The following RBM34 variants were observed in gnomAD, a reference collection of about 807,000 sequenced individuals.
RBM34 encodes the protein RNA-binding protein 34.
Under a neutral mutation model 44.6 loss-of-function variants are expected in RBM34, and 39 were observed. The ratio of observed to expected loss-of-function variants is 0.87; its 90% CI spans 0.68 to 1.14. The LOEUF (loss-of-function observed/expected upper bound fraction) is 1.14, where lower values mean the gene tolerates loss of function less well. Among genes scored for constraint, RBM34 ranks in the 50% most tolerant of loss-of-function variants. The pLI is 0.00. For missense variants in RBM34, 572 were observed against 517.9 expected (o/e 1.10, Z -1.01); for synonymous variants, 194 against 184.0 (o/e 1.05, Z -0.44).
At chr1:235,152,435 A>T (rs1011218738) in intron 5 of RBM34, 46 of 1,086,050 alleles carry the variant, frequency 4.2e-5, no homozygotes, top group Non-Finnish European at 3.8e-5. Context: ...TATTCTGCTG[A>T]CACAGTAAAT....
intron 8 of RBM34, 127 bp from the exon 9 acceptor site, chr1:235,136,200 T>A (rs796232118): frequency 1.3e-6 from 1 of 745,114 alleles, no homozygotes; most frequent in Non-Finnish European, 2.3e-6. Context: ...TAACCACACA[T>A]CATGTTCTTT....
chr1:235,135,890 A>C, intron 9 of RBM34, 120 bp from the exon 10 acceptor site: 2 of 1,210,068 alleles, frequency 1.7e-6, no homozygotes, highest in South Asian at 2.7e-5. Flanking sequence ...TATATTGCAC[A>C]CTTTTTAGTA....
intron 2 of RBM34, 46 bp downstream of exon 2, chr1:235,160,847 T>A: frequency 5.0e-6 from 8 of 1,602,294 alleles, no homozygotes; most frequent in Non-Finnish European, 6.8e-6. Flanking sequence ...GCTTTGTATG[T>A]AAGTGGTTCT....
chr1:235,148,227 G>A (rs1329440770), intron 6 of RBM34, among the ~76,000 whole-genome samples, 177 bp downstream of exon 6: 1 of 152,092 alleles, frequency 6.6e-6, no homozygotes, highest in African/African-American at 2.4e-5. Context: ...TTATATTATG[G>A]CTTAAAGAAA....
In RBM34 at chr1:235,152,731, A is replaced by G; in HGVS notation, c.632T>C (p.Ile211Thr). The stretch of plus-strand genomic sequence containing the variant: ...CAGAGAACGAAATCGTACAGATTCT[A>G]TTTGTCCATACTCTTTAAAAAACGA... ...LKSFFKEYGQIESVRFRSLIP... is the reference protein window; with the variant it reads ...LKSFFKEYGQTESVRFRSLIP... The change falls in exon 5 of 11, where the codon ATA becomes ACA. Residue 211 changes from isoleucine to threonine, a missense_variant. Transcript: ENST00000408888. 1 of 1,601,164 alleles carries G rather than the reference A, an allele frequency of 6.2e-7. No homozygotes were observed. The highest frequency in any genetic ancestry group is 8.5e-7 in the Non-Finnish European group (1 of 1,173,532).
chr1:235,161,132 T>C (rs1176134162), intron 1 of RBM34, 42 bp downstream of exon 1: 2 of 1,603,626 alleles, frequency 1.2e-6, no homozygotes, highest in East Asian at 2.2e-5. Flanking sequence ...CGAGGGAACG[T>C]ACAACATCCC....
intron 6 of RBM34, among the ~76,000 whole-genome samples, chr1:235,147,505 G>C (rs1661953452): frequency 1.3e-5 from 2 of 152,156 alleles, no homozygotes; most frequent in Non-Finnish European, 2.9e-5. Flanking sequence ...CTGGTATCTA[G>C]GAGGATCTGC....
At chr1:235,152,939 G>C (rs1662226837) in intron 4 of RBM34, among the ~76,000 whole-genome samples, 174 bp from the exon 5 acceptor site, 3 of 148,124 alleles carry the variant, frequency 2.0e-5, no homozygotes, top group African/African-American at 7.5e-5. Context: ...TGTGATCTCA[G>C]CTCACTGCAA....
At position 235,161,086 on chromosome 1, in the gene RBM34, A is replaced by G. The variant is rs771983795; in HGVS notation, c.54-19T>C. 1 of 1,609,754 alleles carries G rather than the reference A, an allele frequency of 6.2e-7. No individual in the cohort carries two copies. Among genetic ancestry groups the G allele is most frequent in the Admixed American group, 1.7e-5 (1 of 59,896 alleles). On this transcript the variant is annotated intron_variant, in intron 1 of 10. Transcript: ENST00000408888. ...ATTCTCTCTAGAAATGGACGACAGA[A>G]ACTCAGCCACGCCACGCACCACCGC...
At chr1:235,154,042 C>T (rs1182101876) in intron 4 of RBM34, among the ~76,000 whole-genome samples, 1 of 151,984 alleles carries the variant, frequency 6.6e-6, no homozygotes, top group African/African-American at 2.4e-5. Context: ...GTCAGGAAAT[C>T]GAGACCATCC....
At chr1:235,138,987 C>T (rs1661559969) in intron 6 of RBM34, among the ~76,000 whole-genome samples, 2 of 152,132 alleles carry the variant, frequency 1.3e-5, no homozygotes, top group Non-Finnish European at 2.9e-5. Flanking sequence ...CAGACATGAC[C>T]CCTTTGTCGC....
chr1:235,160,508 A>G lies in RBM34; in HGVS notation c.365+3T>C. 6.2e-7 allele frequency: 1 copy of G among 1,609,416 alleles called. No individual in the cohort carries two copies. The highest frequency in any genetic ancestry group is 8.5e-7 in the Non-Finnish European group (1 of 1,178,864). The stretch of plus-strand genomic sequence containing the variant: ...TAACATCAAATAAGAGAATTTTACC[A>G]ACCTGTCTGCCAACTTTTTTTCTGC... On this transcript the variant is annotated splice_donor_region_variant and intron_variant, in intron 3 of 10. Transcript: ENST00000408888.
At position 235,161,159 on chromosome 1, in the gene RBM34, C is replaced by G. The variant is rs2102871608; in HGVS notation, c.53+15G>C. The stretch of plus-strand genomic sequence containing the variant: ...CAACATCCCTCCCCAGGTACTCGTG[C>G]CGCGCGCCACTCACCCCTCCTGGAC... On this transcript the variant is annotated intron_variant, in intron 1 of 10. Coordinates refer to ENST00000408888, the MANE Select transcript of RBM34 (RefSeq NM_015014.4). 6.3e-7 allele frequency: 1 copy of G among 1,598,806 alleles called. No individual in the cohort carries two copies. Among genetic ancestry groups the G allele is most frequent in the South Asian group, 1.1e-5 (1 of 89,786 alleles).
intron 5 of RBM34, among the ~76,000 whole-genome samples, chr1:235,149,388 CAAAAA>C (rs1171671362): frequency 1.7e-5 from 1 of 58,000 alleles, no homozygotes; most frequent in Admixed American, 1.9e-4. Flanking sequence ...GACTCCGTCT[CAAAAA>C]AAAAAAAAAA....
intron 6 of RBM34, among the ~76,000 whole-genome samples, chr1:235,138,752 G>A (rs1481392142): frequency 2.0e-5 from 3 of 152,076 alleles, no homozygotes; most frequent in Non-Finnish European, 2.9e-5. Flanking sequence ...TCTATTCTTA[G>A]ACATCATACT....
In RBM34 at chr1:235,138,017, A is replaced by G. The variant is rs528690587; in HGVS notation, c.785+74T>C. Reference sequence around the variant, plus strand: ...ACTAAAACATCTATGCTAAAGTGAAACCAAAGAATAAAAAAAGTACTCATA... The same window carrying G: ...ACTAAAACATCTATGCTAAAGTGAAGCCAAAGAATAAAAAAAGTACTCATA... On this transcript the variant is annotated intron_variant, in intron 7 of 10. Transcript: ENST00000408888. 110 of 1,538,178 alleles carry G rather than the reference A, an allele frequency of 7.2e-5. No individual in the cohort carries two copies. The South Asian group carries it at 1.1e-3, about 16-fold the overall frequency.
chr1:235,142,549 AT>A (rs766550706), intron 6 of RBM34, among the ~76,000 whole-genome samples: 5 of 151,822 alleles, frequency 3.3e-5, no homozygotes, highest in Admixed American at 6.6e-5. Context: ...AAAGTAATGG[AT>A]TATAGGCGTG....
At chr1:235,132,372 G>A (rs995257109) in intron 10 of RBM34, among the ~76,000 whole-genome samples, 2 of 152,018 alleles carry the variant, frequency 1.3e-5, no homozygotes, top group South Asian at 2.1e-4. Flanking sequence ...GCAGTGGCAC[G>A]ATCTCGGCTC....
intron 3 of RBM34, chr1:235,160,284 A>G: frequency 1.5e-6 from 1 of 678,330 alleles, no homozygotes; most frequent in Non-Finnish European, 2.7e-6. Context: ...GAGGGGGTAT[A>G]TGAGTGGGGT....
Sources: allele counts gnomAD v4.1 joint callset (sites outside exome capture counted in the v4.1 genomes callset), GRCh38; gene constraint gnomAD v4.1.1; transcripts MANE v1.5; gene names NCBI Gene and HGNC (gene_info 2026-07-23, HGNC 2026-07-21).